Variants in CYP39A1 observed in about 807,000 individuals in gnomAD.
The protein encoded by CYP39A1 is 24-hydroxycholesterol 7-alpha-hydroxylase.
A neutral mutation model predicts 58.1 loss-of-function variants in CYP39A1; 49 were observed. The ratio of observed to expected loss-of-function variants is 0.84; its 90% CI spans 0.67 to 1.07. The LOEUF is 1.07. CYP39A1 is among the 50% of genes least tolerant of loss of function. The pLI is 0.00. For synonymous variants in CYP39A1, 209 were observed against 187.6 expected, an observed-to-expected ratio of 1.11 and a Z score of -0.93; for missense variants, 531 against 539.4, an observed-to-expected ratio of 0.98 and a Z score of 0.16.
chr6:46,585,433 C>A (rs1772417615), intron 10 of CYP39A1, among the ~76,000 whole-genome samples: 1 of 152,020 alleles, frequency 6.6e-6, no homozygotes, highest in South Asian at 2.1e-4. Flanking sequence ...TTTAGAAGAA[C>A]TATTCTTAGG....
chr6:46,641,595 T>G (rs1453182736), intron 2 of CYP39A1, among the ~76,000 whole-genome samples: 1 of 152,098 alleles, frequency 6.6e-6, no homozygotes, highest in Non-Finnish European at 1.5e-5. Flanking sequence ...TACACACAAT[T>G]GCAGCCTAGG....
rs528544274 is a variant in CYP39A1, at chr6:46,579,521, A to G, written c.1250+7556T>C. ...AAGTCCAAGCCAGAGTAATCAGGCA[A>G]GAGAAAGAAATAAAAGGCATCCAAA... On this transcript the variant is annotated intron_variant, in intron 10 of 11. Coordinates refer to ENST00000275016, the MANE Select transcript of CYP39A1 (RefSeq NM_016593.5). Among the ~76,000 whole-genome samples the G allele has an allele frequency of 7.9e-5, 12 of 152,264 alleles. No homozygotes were observed. In the South Asian group the frequency reaches 2.3e-3, roughly 29 times the overall value.
intron 1 of CYP39A1, among the ~76,000 whole-genome samples, chr6:46,651,132 G>A (rs1165158248): frequency 6.6e-6 from 1 of 152,136 alleles, no homozygotes; most frequent in Non-Finnish European, 1.5e-5. Flanking sequence ...AACAATTTAA[G>A]TGTGCATGTC....
At chr6:46,623,382 C>A (rs1775095153) in intron 7 of CYP39A1, among the ~76,000 whole-genome samples, 1 of 151,896 alleles carries the variant, frequency 6.6e-6, no homozygotes, top group African/African-American at 2.4e-5. Context: ...ATGGTTAATT[C>A]TATATGTTAA....
chr6:46,579,224 G>C (rs1036322845), intron 10 of CYP39A1, among the ~76,000 whole-genome samples: 1 of 151,904 alleles, frequency 6.6e-6, no homozygotes, highest in Non-Finnish European at 1.5e-5. Flanking sequence ...CAATCAATGT[G>C]ATTCATCTCA....
At chr6:46,579,981 T>C in intron 10 of CYP39A1, among the ~76,000 whole-genome samples, 1 of 152,128 alleles carries the variant, frequency 6.6e-6, no homozygotes. Flanking sequence ...CAAAGTCATT[T>C]TCCACAGAAT....
In CYP39A1 at chr6:46,637,846, C is replaced by T. The variant is rs1446707754; in HGVS notation, c.621G>A (p.Leu207=). The T allele has an allele frequency of 7.4e-6, 12 of 1,612,248 alleles. No homozygotes were observed. In the African/African-American group the frequency reaches 9.4e-5, roughly 13 times the overall value. Residue 207 remains leucine, a synonymous_variant, in exon 4 of 12, where the codon TTG becomes TTA. Transcript: ENST00000275016. ...ACTGTTACCTTAGAAGACACTCTGG[C>T]AACTGGGACCCATACTCAAAATCTT... The part of the protein sequence containing the change: ...YDEDFEYGSQ[L]PECLLRNWSK...
At chr6:46,599,282 C>T (rs2150528998) in intron 7 of CYP39A1, among the ~76,000 whole-genome samples, 1 of 152,138 alleles carries the variant, frequency 6.6e-6, no homozygotes, top group South Asian at 2.1e-4. Context: ...GTGCAACTCG[C>T]TATAGGAGCA....
At chr6:46,612,530 A>C (rs1272120300) in intron 7 of CYP39A1, among the ~76,000 whole-genome samples, 1 of 152,190 alleles carries the variant, frequency 6.6e-6, no homozygotes, top group Non-Finnish European at 1.5e-5. Context: ...AGTTTGTAAG[A>C]AGCTCCTCCA....
In CYP39A1 at chr6:46,625,427, C is replaced by T; in HGVS notation, c.922G>A (p.Gly308Ser). The T allele has an allele frequency of 1.2e-6, 2 of 1,605,490 alleles. No individual in the cohort carries two copies. The highest frequency in any genetic ancestry group is 1.7e-6 in the Non-Finnish European group (2 of 1,175,384). ...TAATAAGGTTTAGTACCTGCTTTGC[C>T]AAACACAGAAGATATGCCTTCCATA... ...AIMEGISSVF[G>S]KAGKDKIKVS... The change falls in exon 7 of 12, where the codon GGC becomes AGC. Residue 308 changes from glycine (G) to serine (S), a missense_variant. Transcript: ENST00000275016.
rs140524444 is a variant in CYP39A1 at position 46,637,856 on chromosome 6, C to A, written c.611G>T (p.Gly204Val). The A allele has an allele frequency of 3.1e-6, 5 of 1,612,250 alleles. No homozygotes were observed. Among genetic ancestry groups the A allele is most frequent in the African/African-American group, 2.7e-5 (2 of 74,886 alleles). The change falls in exon 4 of 12, where the codon GGG becomes GTG. Residue 204 changes from glycine (G) to valine (V), a missense_variant. Coordinates refer to ENST00000275016, the MANE Select transcript of CYP39A1 (RefSeq NM_016593.5). ...TAGAAGACACTCTGGCAACTGGGAC[C>A]CATACTCAAAATCTTCATCATAAAC... ...FQVYDEDFEY[G>V]SQLPECLLRN...
At chr6:46,625,802 T>C (rs1016217064) in intron 6 of CYP39A1, among the ~76,000 whole-genome samples, 1 of 152,058 alleles carries the variant, frequency 6.6e-6, no homozygotes, top group Non-Finnish European at 1.5e-5. Flanking sequence ...TTATTTTTAC[T>C]AATGAGTAAC....
chr6:46,652,194 C>T lies in CYP39A1; in HGVS notation c.177+212G>A, dbSNP rs139749284. ...CTCTACTTCCAAAAATGTCGATGCA[C>T]GCTGCAATTGTATTTCATTTCTTTC... On this transcript the variant is annotated intron_variant, in intron 1 of 11. Transcript: ENST00000275016. Among the ~76,000 whole-genome samples the T allele has an allele frequency of 3.2e-4, 48 of 152,246 alleles. No individual in the cohort carries two copies. The East Asian group carries it at 9.1e-3, about 29-fold the overall frequency.
intron 7 of CYP39A1, among the ~76,000 whole-genome samples, chr6:46,601,534 C>T (rs545189091): frequency 6.6e-6 from 1 of 152,236 alleles, no homozygotes; most frequent in African/African-American, 2.4e-5. Flanking sequence ...CCTCTCTATG[C>T]CTCAGTTTGC....
At chr6:46,609,439 G>T (rs1035410043) in intron 7 of CYP39A1, among the ~76,000 whole-genome samples, 1 of 150,592 alleles carries the variant, frequency 6.6e-6, no homozygotes, top group South Asian at 2.1e-4. Flanking sequence ...AGAAAAAAAA[G>T]AAATTTATTG....
chr6:46,598,373 A>G (rs139144415), intron 7 of CYP39A1, among the ~76,000 whole-genome samples: 3 of 152,260 alleles, frequency 2.0e-5, no homozygotes, highest in African/African-American at 7.2e-5. Context: ...AACCAACCCT[A>G]TTTTTAATGT....
At chr6:46,591,808 A>G (rs912191230) in intron 8 of CYP39A1, among the ~76,000 whole-genome samples, 3 of 152,144 alleles carry the variant, frequency 2.0e-5, no homozygotes, top group African/African-American at 7.2e-5. Flanking sequence ...TTATTAAAAG[A>G]GTCACTTATC....
At chr6:46,594,939 A>G (rs541657935) in intron 8 of CYP39A1, among the ~76,000 whole-genome samples, 35 of 152,150 alleles carry the variant, frequency 2.3e-4, no homozygotes, top group African/African-American at 6.3e-4. Context: ...AAAATATACA[A>G]GAAACTTAAA....
chr6:46,587,480 T>C (rs1772540145), intron 9 of CYP39A1, among the ~76,000 whole-genome samples: 1 of 152,182 alleles, frequency 6.6e-6, no homozygotes. Context: ...AAAATTGCTC[T>C]TGGTAATAAA....
Sources: allele counts gnomAD v4.1 joint callset (sites outside exome capture counted in the v4.1 genomes callset), GRCh38; gene constraint gnomAD v4.1.1; transcripts MANE v1.5; gene names NCBI Gene and HGNC (gene_info 2026-07-23, HGNC 2026-07-21).